HSDL2: variants seen among roughly 807,000 people sequenced by gnomAD.
HSDL2 encodes the protein hydroxysteroid dehydrogenase-like protein 2.
In HSDL2, 27 loss-of-function variants were observed where a neutral mutation model predicts 46.3. The ratio of observed to expected loss-of-function variants is 0.58; its 90% CI spans 0.43 to 0.80. HSDL2 has a LOEUF of 0.80. Ranked by LOEUF, HSDL2 falls within the 30% of genes least tolerant of loss-of-function variation. The probability of loss-of-function intolerance (pLI) is 0.00; values close to 1 mark genes in which losing one functional copy is unlikely to be tolerated. For missense variants in HSDL2, 451 were observed against 502.7 expected (o/e 0.90, Z 0.98); for synonymous variants, 153 against 163.6 (o/e 0.94, Z 0.50).
intron 10 of HSDL2, among the ~76,000 whole-genome samples, chr9:112,463,427 AC>A (rs1319782886): frequency 6.6e-6 from 1 of 152,130 alleles, no homozygotes; most frequent in Admixed American, 6.5e-5. Context: ...CTTTTTAAGA[AC>A]CTACCAAACT....
Position 112,408,891 on chromosome 9 carries a change from A to T in HSDL2, c.281-16A>T. ...AAAGTCTTTCATTAAAATGAAATTG[A>T]TTATTTTGAAAACAGGAATTGATAT... On this transcript the variant is annotated splice_polypyrimidine_tract_variant and intron_variant, in intron 3 of 10. Transcript: ENST00000398805. 2 of 1,331,084 alleles carry T rather than the reference A, an allele frequency of 1.5e-6. No homozygotes were observed. Among genetic ancestry groups the T allele is most frequent in the Non-Finnish European group, 2.1e-6 (2 of 938,908 alleles). 82.5% of individuals were successfully genotyped at this position (1,331,084 alleles called of 1,614,324 possible). A position where few individuals can be genotyped will look rare whatever the true frequency, so the allele number is the denominator to read the frequency against.
chr9:112,436,800 T>C (rs1164008238), intron 6 of HSDL2, among the ~76,000 whole-genome samples: 1 of 152,074 alleles, frequency 6.6e-6, no homozygotes, highest in Admixed American at 6.6e-5. Flanking sequence ...TACTGTTAAT[T>C]GTAGAGTTTA....
At chr9:112,390,124 G>T (rs1831309441) in intron 1 of HSDL2, among the ~76,000 whole-genome samples, 1 of 145,476 alleles carries the variant, frequency 6.9e-6, no homozygotes, top group South Asian at 2.2e-4. Flanking sequence ...TAAAATATAT[G>T]TGGAAAATTA....
intron 6 of HSDL2, among the ~76,000 whole-genome samples, chr9:112,431,523 C>G (rs375557085): frequency 6.6e-6 from 1 of 152,116 alleles, no homozygotes; most frequent in African/African-American, 2.4e-5. Flanking sequence ...CCACCCAAAT[C>G]TCATGTCAAA....
rs1033547967 is a variant in HSDL2, at chr9:112,408,970, C to G, written c.344C>G (p.Thr115Ser). 2.5e-6 allele frequency: 4 copies of G among 1,609,824 alleles called. No homozygotes were observed. Among genetic ancestry groups the G allele is most frequent in the Non-Finnish European group, 3.4e-6 (4 of 1,177,328 alleles). Residue 115 changes from threonine (T) to serine (S), a missense_variant, in exon 4 of 11, where the codon ACC (threonine) becomes AGC (serine). By Grantham distance (58) the Thr-to-Ser change is moderately conservative. Coordinates refer to ENST00000398805, the MANE Select transcript of HSDL2 (RefSeq NM_032303.5). Reference sequence around the variant, plus strand: ...TTGACCAATACATTGGACACACCTACCAAGAGATTGGATCTGATGATGAAC... The same window carrying G: ...TTGACCAATACATTGGACACACCTAGCAAGAGATTGGATCTGATGATGAAC... ...ISLTNTLDTPTKRLDLMMNVN... is the reference protein window; with the variant it reads ...ISLTNTLDTPSKRLDLMMNVN...
chr9:112,456,421 G>C (rs1833025238), intron 9 of HSDL2, among the ~76,000 whole-genome samples: 1 of 152,060 alleles, frequency 6.6e-6, no homozygotes, highest in Non-Finnish European at 1.5e-5. Context: ...TGATACTGTT[G>C]ACCACACTTT....
At chr9:112,417,558 AC>A (rs1196430778) in intron 5 of HSDL2, among the ~76,000 whole-genome samples, 2 of 152,182 alleles carry the variant, frequency 1.3e-5, no homozygotes, top group Non-Finnish European at 1.5e-5. Context: ...ATGCTAAGTA[AC>A]AAGATTTACA....
At chr9:112,466,816 A>G (rs1833404856) in intron 10 of HSDL2, among the ~76,000 whole-genome samples, 1 of 152,100 alleles carries the variant, frequency 6.6e-6, no homozygotes, top group African/African-American at 2.4e-5. Context: ...TACCTCTTAC[A>G]TTTAGGTTTA....
intron 1 of HSDL2, among the ~76,000 whole-genome samples, chr9:112,382,722 A>G (rs1234790014): frequency 6.6e-6 from 1 of 152,200 alleles, no homozygotes; most frequent in African/African-American, 2.4e-5. Flanking sequence ...ATGTATCTTT[A>G]TATTTGTCTG....
rs541470566 is a variant in HSDL2 at position 112,398,231 on chromosome 9, A to C, written c.18-5764A>C. Reference sequence around the variant, plus strand: ...AAGAAGGGTACAGAGAAGCAGGTTGAATGGATGGCAAAGTGACCAAATGAG... The same window carrying C: ...AAGAAGGGTACAGAGAAGCAGGTTGCATGGATGGCAAAGTGACCAAATGAG... On this transcript the variant is annotated intron_variant, in intron 1 of 10. Transcript: ENST00000398805. Among the ~76,000 whole-genome samples the C allele has an allele frequency of 8.5e-5, 13 of 152,160 alleles. No homozygotes were observed. In the East Asian group the frequency reaches 2.3e-3, roughly 27 times the overall value.
chr9:112,463,334 C>T (rs578179817), intron 10 of HSDL2, among the ~76,000 whole-genome samples: 7 of 149,890 alleles, frequency 4.7e-5, no homozygotes, highest in African/African-American at 1.7e-4. Context: ...TCTTGAACTT[C>T]TGGGCTAAAG....
chr9:112,413,506 AAAGAAAAG>A (rs1415270613), intron 4 of HSDL2, among the ~76,000 whole-genome samples: 76 of 152,108 alleles, frequency 5.0e-4, no homozygotes, highest in Non-Finnish European at 1.2e-4. Flanking sequence ...AAAAAAAAGA[AAAGAAAAG>A]AAATATTTCT....
intron 10 of HSDL2, among the ~76,000 whole-genome samples, chr9:112,465,023 T>C (rs943949553): frequency 6.6e-6 from 1 of 152,268 alleles, no homozygotes; most frequent in African/African-American, 2.4e-5. Flanking sequence ...GACTGGCTTC[T>C]TTCACTTAAC....
At chr9:112,459,856 A>G (rs1833152040) in intron 10 of HSDL2, among the ~76,000 whole-genome samples, 1 of 152,190 alleles carries the variant, frequency 6.6e-6, no homozygotes. Flanking sequence ...GGTGGGCTTC[A>G]TCATATTAGC....
intron 1 of HSDL2, among the ~76,000 whole-genome samples, chr9:112,402,629 A>G (rs996036329): frequency 5.3e-5 from 8 of 151,906 alleles, no homozygotes; most frequent in Non-Finnish European, 1.0e-4. Context: ...TAAAAAAAGC[A>G]AAAAACAGGC....
chr9:112,402,907 G>A (rs902964022), intron 1 of HSDL2, among the ~76,000 whole-genome samples: 2 of 151,730 alleles, frequency 1.3e-5, no homozygotes, highest in East Asian at 1.9e-4. Context: ...TTGCACCACC[G>A]TACTCCAGCC....
At position 112,425,630 on chromosome 9, in the gene HSDL2, C is replaced by T. The variant is rs1166128861; in HGVS notation, c.598+6672C>T. 4.0e-5 allele frequency among the ~76,000 whole-genome samples: 6 copies of T among 151,628 alleles called. No individual in the cohort carries two copies. The East Asian group carries it at 1.2e-3, about 29-fold the overall frequency. On this transcript the variant is annotated intron_variant, in intron 6 of 10. Transcript: ENST00000398805. Reference sequence around the variant, plus strand: ...CTTTGAGCTTTCATATTCTTGGTGTCACATTTTGTTTAATTTTCTTATTAG... The same window carrying T: ...CTTTGAGCTTTCATATTCTTGGTGTTACATTTTGTTTAATTTTCTTATTAG...
At chr9:112,396,489 T>G (rs1198657728) in intron 1 of HSDL2, among the ~76,000 whole-genome samples, 1 of 152,180 alleles carries the variant, frequency 6.6e-6, no homozygotes, top group Non-Finnish European at 1.5e-5. Flanking sequence ...GCCCCGTGTC[T>G]TATCTCCTTT....
intron 1 of HSDL2, among the ~76,000 whole-genome samples, chr9:112,394,497 T>C (rs1831416355): frequency 6.6e-6 from 1 of 152,182 alleles, no homozygotes; most frequent in Admixed American, 6.5e-5. Context: ...TACTAAACCA[T>C]GTGAGTCATT....
Sources: allele counts gnomAD v4.1 joint callset (sites outside exome capture counted in the v4.1 genomes callset), GRCh38; gene constraint gnomAD v4.1.1; transcripts MANE v1.5; gene names NCBI Gene and HGNC (gene_info 2026-07-23, HGNC 2026-07-21).